QTMAN: variants seen among roughly 807,000 people sequenced by gnomAD.
The protein encoded by QTMAN is tRNA-queuosine alpha-mannosyltransferase.
At chr2:144,124,723 G>C in the QTMAN span, among the ~76,000 whole-genome samples, 1 of 152,082 alleles carries the variant, frequency 6.6e-6, no homozygotes, top group Non-Finnish European at 1.5e-5. Context: ...CTGCTACCTT[G>C]TGTTCCTAAA....
chr2:143,958,660 T>G, the QTMAN span, among the ~76,000 whole-genome samples: 1 of 152,094 alleles, frequency 6.6e-6, no homozygotes, highest in Non-Finnish European at 1.5e-5. Context: ...CCTTTAACCT[T>G]CTTTGTGCTA....
the QTMAN span, among the ~76,000 whole-genome samples, chr2:144,241,056 T>G: frequency 6.6e-6 from 1 of 152,202 alleles, no homozygotes; most frequent in Non-Finnish European, 1.5e-5. Context: ...CTCAGGGTGA[T>G]TTCTTGATTT....
At chr2:144,287,036 G>C in the QTMAN span, among the ~76,000 whole-genome samples, 8 of 152,200 alleles carry the variant, frequency 5.3e-5, no homozygotes, top group African/African-American at 1.7e-4. Flanking sequence ...AAATAGAACA[G>C]AAAAACTGAA....
At chr2:143,992,960 A>G in the QTMAN span, among the ~76,000 whole-genome samples, 1 of 152,226 alleles carries the variant, frequency 6.6e-6, no homozygotes, top group Non-Finnish European at 1.5e-5. Context: ...AAATGAAAAG[A>G]TATTAACAAC....
chr2:144,147,287 A>G, the QTMAN span, among the ~76,000 whole-genome samples: 3 of 151,648 alleles, frequency 2.0e-5, no homozygotes, highest in Admixed American at 2.0e-4. Flanking sequence ...CTTACCAAGG[A>G]GATGCACTTA....
the QTMAN span, among the ~76,000 whole-genome samples, chr2:144,332,233 G>A: frequency 6.6e-6 from 1 of 151,678 alleles, no homozygotes; most frequent in South Asian, 2.1e-4. Context: ...AGCGCAGCGC[G>A]TGCGCCCGGG....
the QTMAN span, among the ~76,000 whole-genome samples, chr2:144,246,174 TA>T: frequency 6.6e-6 from 1 of 152,182 alleles, no homozygotes; most frequent in African/African-American, 2.4e-5. Flanking sequence ...ACATGTAAAG[TA>T]TTAATACTAA....
chr2:144,073,974 G>C, the QTMAN span, among the ~76,000 whole-genome samples: 4 of 152,182 alleles, frequency 2.6e-5, no homozygotes, highest in African/African-American at 4.8e-5. Context: ...AGTCACATGG[G>C]TAGTTAATAG....
the QTMAN span, among the ~76,000 whole-genome samples, chr2:144,131,912 G>A: frequency 6.6e-6 from 1 of 151,868 alleles, no homozygotes; most frequent in Non-Finnish European, 1.5e-5. Context: ...TACATAAAGT[G>A]TGTGCCCAGA....
At chr2:144,243,507 C>G in the QTMAN span, among the ~76,000 whole-genome samples, 1 of 152,140 alleles carries the variant, frequency 6.6e-6, no homozygotes, top group Non-Finnish European at 1.5e-5. Flanking sequence ...ATTTAAGAAA[C>G]AGTAATGAAA....
At chr2:144,117,307 C>T in the QTMAN span, among the ~76,000 whole-genome samples, 3 of 152,340 alleles carry the variant, frequency 2.0e-5, no homozygotes, top group South Asian at 2.1e-4. Flanking sequence ...TTCAACCTCA[C>T]AGAAGCACCA....
chr2:144,141,785 T>C, the QTMAN span: 20 of 856,294 alleles, frequency 2.3e-5, no homozygotes, highest in South Asian at 1.8e-5. Context: ...ACCATACTTA[T>C]GCTAAAAAGT....
At chr2:144,177,067 C>A in the QTMAN span, 2 of 630,110 alleles carry the variant, frequency 3.2e-6, no homozygotes, top group South Asian at 1.6e-5. Context: ...CATAAGAATT[C>A]TATCACAAGG....
At chr2:144,145,658 C>G in the QTMAN span, 7 of 1,611,362 alleles carry the variant, frequency 4.3e-6, no homozygotes, top group African/African-American at 1.3e-5. Context: ...CGTGAAAATA[C>G]AGAATCTTTT....
chr2:144,117,705 T>G, the QTMAN span, among the ~76,000 whole-genome samples: 1 of 152,212 alleles, frequency 6.6e-6, no homozygotes, highest in African/African-American at 2.4e-5. Context: ...GATAAGTTAG[T>G]GTTTTCTGTG....
the QTMAN span, among the ~76,000 whole-genome samples, chr2:144,275,398 A>G: frequency 6.6e-6 from 1 of 151,752 alleles, no homozygotes; most frequent in Non-Finnish European, 1.5e-5. Flanking sequence ...AAAAAAAAAA[A>G]GCCTTGAATA....
chr2:144,107,028 G>A, the QTMAN span, among the ~76,000 whole-genome samples: 1 of 152,110 alleles, frequency 6.6e-6, no homozygotes, highest in Non-Finnish European at 1.5e-5. Context: ...ACAAAATGAA[G>A]GCAGAAATAA....
chr2:144,235,972 A>G, the QTMAN span, among the ~76,000 whole-genome samples: 1 of 151,212 alleles, frequency 6.6e-6, no homozygotes, highest in East Asian at 1.9e-4. Flanking sequence ...ACTCAGTAAT[A>G]ATAATAATTA....
At chr2:144,222,840 T>C in the QTMAN span, among the ~76,000 whole-genome samples, 1 of 152,100 alleles carries the variant, frequency 6.6e-6, no homozygotes, top group African/African-American at 2.4e-5. Flanking sequence ...AAAATGTTAT[T>C]GTATAATCAT....
Sources: gnomAD v4.1 joint callset for allele counts (sites outside exome capture counted in the v4.1 genomes callset) on GRCh38, gnomAD v4.1.1 for gene constraint, MANE v1.5 for transcripts, NCBI Gene and HGNC (gene_info 2026-07-23, HGNC 2026-07-21) for gene names.